Variants in CSMD1 observed in about 807,000 individuals in gnomAD.
CSMD1 encodes the protein CUB and sushi domain-containing protein 1.
CSMD1 carries 213 observed loss-of-function variants against 417.5 expected under a neutral mutation model. The observed-to-expected ratio is 0.51, with a 90% CI of 0.46 to 0.57. The LOEUF (loss-of-function observed/expected upper bound fraction) is 0.57. Ranked by LOEUF, CSMD1 falls within the 20% of genes least tolerant of loss-of-function variation. CSMD1 has a pLI of 0.00. For missense variants in CSMD1, 6,923 were observed against 4,529.7 expected, an observed-to-expected ratio of 1.53 and a Z score of -15.17; for synonymous variants, 2,862 against 1,736.8, an observed-to-expected ratio of 1.65 and a Z score of -16.11.
At chr8:4,323,267 T>G (rs1799372031) in intron 3 of CSMD1, among the ~76,000 whole-genome samples, 1 of 152,186 alleles carries the variant, frequency 6.6e-6, no homozygotes, top group African/African-American at 2.4e-5. Flanking sequence ...TAAACGGAAG[T>G]TCTGTAGCAG....
intron 3 of CSMD1, among the ~76,000 whole-genome samples, chr8:4,231,248 A>T (rs1005197959): frequency 6.6e-6 from 1 of 152,216 alleles, no homozygotes. Flanking sequence ...TGCCGCCATC[A>T]TGGAAGGAAG....
At chr8:3,427,620 A>G (rs1813939736) in intron 12 of CSMD1, among the ~76,000 whole-genome samples, 1 of 152,212 alleles carries the variant, frequency 6.6e-6, no homozygotes, top group African/African-American at 2.4e-5. Flanking sequence ...CTGCAAATCT[A>G]GTGTTCATAG....
intron 40 of CSMD1, among the ~76,000 whole-genome samples, chr8:3,149,102 TA>T (rs1270911448): frequency 1.3e-5 from 2 of 152,312 alleles, no homozygotes; most frequent in East Asian, 3.9e-4. Flanking sequence ...TTTCTTTAAA[TA>T]GTTTGTTTAG....
At chr8:3,348,666 G>A (rs1362306351) in intron 21 of CSMD1, among the ~76,000 whole-genome samples, 1 of 152,048 alleles carries the variant, frequency 6.6e-6, no homozygotes, top group Non-Finnish European at 1.5e-5. Context: ...TCTTCAGGAT[G>A]TCACATCCCT....
intron 3 of CSMD1, among the ~76,000 whole-genome samples, chr8:4,379,572 A>C (rs972643016): frequency 2.0e-5 from 3 of 152,340 alleles, no homozygotes; most frequent in African/African-American, 7.2e-5. Flanking sequence ...GTGGTGTCTA[A>C]AATTATTTCA....
intron 3 of CSMD1, among the ~76,000 whole-genome samples, chr8:4,149,723 T>G (rs1046141242): frequency 6.6e-6 from 1 of 152,158 alleles, no homozygotes. Flanking sequence ...CAGAAACATT[T>G]TCCAAATAAC....
At chr8:4,923,318 A>G (rs1241287387) in intron 1 of CSMD1, among the ~76,000 whole-genome samples, 2 of 152,060 alleles carry the variant, frequency 1.3e-5, no homozygotes, top group Admixed American at 6.6e-5. Flanking sequence ...ATGCTTTCGT[A>G]TTGGTTAGGA....
intron 5 of CSMD1, among the ~76,000 whole-genome samples, chr8:3,791,284 A>G (rs1403413934): frequency 6.6e-6 from 1 of 152,228 alleles, no homozygotes; most frequent in Non-Finnish European, 1.5e-5. Context: ...ACTTGCTCTA[A>G]TTAATGAACA....
intron 2 of CSMD1, among the ~76,000 whole-genome samples, chr8:4,529,258 A>C (rs1257846344): frequency 6.6e-6 from 1 of 152,144 alleles, no homozygotes; most frequent in East Asian, 1.9e-4. Flanking sequence ...TTCGGAGTGG[A>C]CAATGTGGTT....
intron 54 of CSMD1, among the ~76,000 whole-genome samples, chr8:2,995,752 G>A (rs1344008879): frequency 6.6e-6 from 1 of 152,128 alleles, no homozygotes; most frequent in Non-Finnish European, 1.5e-5. Flanking sequence ...GCCACAACTT[G>A]GATGAATCTC....
Position 4,557,936 on chromosome 8 carries a change from A to G in CSMD1, c.302+79406T>C, listed in dbSNP as rs148418938. On this transcript the variant is annotated intron_variant, in intron 2 of 69. Transcript: ENST00000635120. ...TTTTTCATCATATCTTAGGCTATGC[A>G]TATTTTTCAGGAAGCTGATAAATAA... Among the ~76,000 whole-genome samples the G allele has an allele frequency of 3.9e-4, 60 of 152,288 alleles. 1 individual carries two copies. The highest frequency in any genetic ancestry group is 1.3e-3 in the African/African-American group (54 of 41,566).
chr8:4,260,803 G>GA (rs1475658157), intron 3 of CSMD1, among the ~76,000 whole-genome samples: 2 of 152,158 alleles, frequency 1.3e-5, no homozygotes, highest in African/African-American at 4.8e-5. Flanking sequence ...ACCTCTCCTG[G>GA]AAAATTATTA....
At chr8:4,534,696 T>A (rs892051283) in intron 2 of CSMD1, among the ~76,000 whole-genome samples, 5 of 152,160 alleles carry the variant, frequency 3.3e-5, no homozygotes, top group African/African-American at 1.2e-4. Context: ...GTATTTGGTA[T>A]TCGGTCCCTG....
intron 5 of CSMD1, among the ~76,000 whole-genome samples, chr8:3,790,652 G>C (rs1035292223): frequency 2.0e-5 from 3 of 152,048 alleles, no homozygotes; most frequent in Admixed American, 6.5e-5. Flanking sequence ...ATAATAGCTG[G>C]GATTTTGTTG....
At chr8:4,566,091 G>A (rs1420943712) in intron 2 of CSMD1, among the ~76,000 whole-genome samples, 1 of 151,986 alleles carries the variant, frequency 6.6e-6, no homozygotes, top group Non-Finnish European at 1.5e-5. Flanking sequence ...CCTCAATGCA[G>A]TTATCCAGAA....
intron 5 of CSMD1, among the ~76,000 whole-genome samples, chr8:3,770,992 C>G (rs1048125304): frequency 7.5e-6 from 1 of 132,666 alleles, no homozygotes; most frequent in African/African-American, 3.3e-5. Flanking sequence ...TGGACAGTTT[C>G]TCTCTCTCTC....
chr8:3,058,581 C>T (rs992486732), intron 49 of CSMD1, among the ~76,000 whole-genome samples: 3 of 152,132 alleles, frequency 2.0e-5, no homozygotes, highest in Non-Finnish European at 4.4e-5. Flanking sequence ...CAATAAATAC[C>T]AGGCCTCTAG....
Position 3,047,134 on chromosome 8 carries a change from G to A in CSMD1, c.7660+5328C>T, listed in dbSNP as rs576100066. On this transcript the variant is annotated intron_variant, in intron 50 of 69. Transcript: ENST00000635120. Reference sequence around the variant, plus strand: ...GAGGCAGGAGAATCACTTGAACCCAGGAGGGGGAGGTTGCAGTGGACCAAG... The same window carrying A: ...GAGGCAGGAGAATCACTTGAACCCAAGAGGGGGAGGTTGCAGTGGACCAAG... Among the ~76,000 whole-genome samples the A allele has an allele frequency of 3.2e-3, 479 of 149,256 alleles. 1 individual carries two copies. Among genetic ancestry groups the A allele is most frequent in the African/African-American group, 0.011 (456 of 40,376 alleles).
intron 3 of CSMD1, among the ~76,000 whole-genome samples, chr8:4,285,164 T>C (rs987089815): frequency 2.0e-5 from 3 of 152,212 alleles, no homozygotes; most frequent in Non-Finnish European, 2.9e-5. Context: ...CAAGTTTTAC[T>C]CCATGAATTT....
Sources: allele counts gnomAD v4.1 joint callset (sites outside exome capture counted in the v4.1 genomes callset), GRCh38; gene constraint gnomAD v4.1.1; transcripts MANE v1.5; gene names NCBI Gene and HGNC (gene_info 2026-07-23, HGNC 2026-07-21).